The following DRC7 variants were observed in gnomAD, a reference collection of about 807,000 sequenced individuals.
The protein encoded by DRC7 is dynein regulatory complex subunit 7.
In DRC7, 80 loss-of-function variants were observed where a neutral mutation model predicts 104.4. The observed-to-expected ratio is 0.77, with a 90% CI of 0.64 to 0.92. The LOEUF (loss-of-function observed/expected upper bound fraction) is 0.92, where lower values mean the gene tolerates loss of function less well. Ranked by LOEUF, DRC7 falls within the 40% of genes least tolerant of loss-of-function variation. The probability of loss-of-function intolerance (pLI) is 0.00; values close to 1 mark genes in which losing one functional copy is unlikely to be tolerated. For synonymous variants in DRC7, 405 were observed against 447.3 expected, an observed-to-expected ratio of 0.91 and a Z score of 1.19; for missense variants, 1,034 against 1,141.1, an observed-to-expected ratio of 0.91 and a Z score of 1.35.
In DRC7 at chr16:57,727,381, A is replaced by G. The variant is rs759915957; in HGVS notation, c.2168A>G (p.Glu723Gly). 6.2e-7 allele frequency: 1 copy of G among 1,613,378 alleles called. No individual in the cohort carries two copies. The highest frequency in any genetic ancestry group is 8.5e-7 in the Non-Finnish European group (1 of 1,179,818). ...TISIYDTKRN[E>G]KSKEYREAME... is the part of the protein sequence containing the mutation. ...TCCATCTATGACACCAAGCGGAATGAGAAGAGCAAGGAATATCGGGAGGCC... is the reference window on the plus strand; with the variant it reads ...TCCATCTATGACACCAAGCGGAATGGGAAGAGCAAGGAATATCGGGAGGCC... Residue 723 changes from glutamate (E) to glycine (G), a missense_variant, in exon 16 of 19, where the codon GAG becomes GGG. Coordinates refer to ENST00000360716, the MANE Select transcript of DRC7 (RefSeq NM_001289162.2).
Position 57,731,034 on chromosome 16 carries a change from T to C in DRC7, c.2495T>C (p.Met832Thr), listed in dbSNP as rs375531577. 3.1e-6 allele frequency: 5 copies of C among 1,613,604 alleles called. No individual in the cohort carries two copies. In the African/African-American group the frequency reaches 4.0e-5, roughly 13 times the overall value. ...DLYLSYCSQAMFRIRILEQRL... is the reference protein window; with the variant it reads ...DLYLSYCSQATFRIRILEQRL... ...TACCTGAGTTACTGCTCTCAGGCCATGTTCCGCATCCGCATCCTGGAGCAG... is the reference window on the plus strand; with the variant it reads ...TACCTGAGTTACTGCTCTCAGGCCACGTTCCGCATCCGCATCCTGGAGCAG... Residue 832 changes from methionine to threonine, a missense_variant, in exon 18 of 19, where the codon ATG (methionine) becomes ACG (threonine). Transcript: ENST00000360716.
At chr16:57,711,661 C>T (rs2048792530) in intron 8 of DRC7, among the ~76,000 whole-genome samples, 2 of 152,240 alleles carry the variant, frequency 1.3e-5, no homozygotes, top group Non-Finnish European at 2.9e-5. Flanking sequence ...GTAATTCACG[C>T]AGAGCAGGCT....
chr16:57,720,191 A>G (rs911579649), intron 9 of DRC7, among the ~76,000 whole-genome samples: 1 of 152,210 alleles, frequency 6.6e-6, no homozygotes, highest in Non-Finnish European at 1.5e-5. Flanking sequence ...GAAGACTCAC[A>G]CACAGAGAGG....
At chr16:57,705,163 C>A (rs1280803721) in intron 7 of DRC7, 129 bp downstream of exon 7, 1 of 1,061,072 alleles carries the variant, frequency 9.4e-7, no homozygotes, top group East Asian at 2.6e-5. Context: ...TCACAATCAC[C>A]CCCAACCTCT....
At chr16:57,726,014 TCTC>T (rs1399235148) in intron 13 of DRC7, 51 bp from the exon 14 acceptor site, 11 of 1,497,714 alleles carry the variant, frequency 7.3e-6, no homozygotes, top group African/African-American at 1.4e-5. Flanking sequence ...TGCACAGAAA[TCTC>T]CTCTCACACG....
At chr16:57,699,637 T>A (rs1372688658) in intron 4 of DRC7, among the ~76,000 whole-genome samples, 1 of 152,160 alleles carries the variant, frequency 6.6e-6, no homozygotes, top group African/African-American at 2.4e-5. Context: ...GGCTTCAGAC[T>A]GTACTGGTCG....
Position 57,731,507 on chromosome 16 carries a change from T to TTTTA in DRC7, c.*249_*250insTTTA. 1 of 546,864 alleles carries TTTTA rather than the reference T, an allele frequency of 1.8e-6. No individual in the cohort carries two copies. The highest frequency in any genetic ancestry group is 2.1e-5 in the South Asian group (1 of 46,620). 33.9% of individuals were successfully genotyped at this position (546,864 alleles called of 1,614,324 possible). ...AGCAGCAGCCTTTCTCTTCTTCTGT[T>TTTTA]ATCTATAGCCTGGGACCACCCCCTT... is the stretch of plus-strand genomic sequence containing the variant. On this transcript the variant is annotated 3_prime_UTR_variant, in exon 19 of 19. Coordinates refer to ENST00000360716, the MANE Select transcript of DRC7 (RefSeq NM_001289162.2).
At chr16:57,695,026 G>T (rs73554984) in intron 1 of DRC7, among the ~76,000 whole-genome samples, 174 bp downstream of exon 1, 2 of 151,936 alleles carry the variant, frequency 1.3e-5, no homozygotes, top group African/African-American at 4.8e-5. Flanking sequence ...CTGGTGGAGA[G>T]GGGGTGCAGG....
chr16:57,730,602 G>A (rs1400739094), intron 17 of DRC7, among the ~76,000 whole-genome samples: 6 of 152,020 alleles, frequency 3.9e-5, no homozygotes, highest in Admixed American at 2.0e-4. Flanking sequence ...ACAAGGGGAG[G>A]GGGGAGTACA....
In DRC7 at chr16:57,718,493, G is replaced by A. The variant is rs371144900; in HGVS notation, c.1206+18G>A. The A allele has an allele frequency of 5.8e-5, 94 of 1,612,952 alleles. No homozygotes were observed. In the Middle Eastern group the frequency reaches 8.3e-4, roughly 14 times the overall value. ...AAAATCTGGTGAGTCTCAGCAGCTC[G>A]AGAGCCCAGGGAATGTGTGTGAAGG... On this transcript the variant is annotated intron_variant, in intron 9 of 18. Transcript: ENST00000360716.
chr16:57,717,082 G>A (rs934511552), intron 8 of DRC7, among the ~76,000 whole-genome samples: 22 of 151,278 alleles, frequency 1.5e-4, no homozygotes, highest in East Asian at 5.9e-4. Flanking sequence ...CACTTGAACC[G>A]GGGAGATAGA....
Position 57,718,357 on chromosome 16 carries a change from T to G in DRC7, c.1088T>G (p.Phe363Cys). 6.2e-7 allele frequency: 1 copy of G among 1,613,998 alleles called. No homozygotes were observed. The highest frequency in any genetic ancestry group is 8.5e-7 in the Non-Finnish European group (1 of 1,179,912). ...DCWNCCKDLI[F>C]DLGDPVRWEY... is the part of the protein sequence containing the mutation. ...CCTCATCCCCAACAGGACTTGATCT[T>G]TGACCTGGGTGACCCTGTGAGATGG... is the stretch of plus-strand genomic sequence containing the variant. The change falls in exon 9 of 19, where the codon TTT becomes TGT. Residue 363 changes from phenylalanine to cysteine, a missense_variant. Phe to Cys is a radical substitution (Grantham distance 205). Transcript: ENST00000360716.
intron 12 of DRC7, among the ~76,000 whole-genome samples, chr16:57,723,883 C>T (rs2048934526): frequency 6.6e-6 from 1 of 151,924 alleles, no homozygotes; most frequent in African/African-American, 2.4e-5. Flanking sequence ...CTTATAACCC[C>T]CATGTTGGCA....
intron 12 of DRC7, among the ~76,000 whole-genome samples, chr16:57,723,786 T>C (rs528659220): frequency 1.7e-5 from 2 of 120,530 alleles, no homozygotes; most frequent in African/African-American, 4.0e-5. Flanking sequence ...AGGAGTAATA[T>C]ACATTTTTTT....
chr16:57,707,213 C>T (rs1212153544), intron 7 of DRC7, among the ~76,000 whole-genome samples: 1 of 152,188 alleles, frequency 6.6e-6, no homozygotes, highest in African/African-American at 2.4e-5. Flanking sequence ...CCCCAGATGC[C>T]CAGTGCCCCA....
intron 8 of DRC7, among the ~76,000 whole-genome samples, chr16:57,715,134 G>A (rs578003052): frequency 1.3e-5 from 2 of 151,986 alleles, no homozygotes; most frequent in East Asian, 1.9e-4. Context: ...TGCAATCCCC[G>A]CCTCCCGGGT....
At chr16:57,701,901 G>T in intron 5 of DRC7, 35 bp from the exon 6 acceptor site, 1 of 1,588,874 alleles carries the variant, frequency 6.3e-7, no homozygotes. Context: ...GGGGCAGCGG[G>T]GCCCCAGCTG....
chr16:57,707,685 A>C lies in DRC7; in HGVS notation c.1077+7A>C. ...TTGCTGGAACTGCTGCAAGGTGCCT[A>C]GGGAGGGGGAGCTGGGTGGGTGTGG... On this transcript the variant is annotated splice_region_variant and intron_variant, in intron 8 of 18. Transcript: ENST00000360716. The C allele has an allele frequency of 6.2e-7, 1 of 1,612,000 alleles. No individual in the cohort carries two copies.
intron 9 of DRC7, among the ~76,000 whole-genome samples, chr16:57,721,099 C>A (rs2048897177): frequency 6.6e-6 from 1 of 152,160 alleles, no homozygotes; most frequent in African/African-American, 2.4e-5. Flanking sequence ...GCCTGTAATC[C>A]CAGCTACTCA....
Sources: allele counts gnomAD v4.1 joint callset (sites outside exome capture counted in the v4.1 genomes callset), GRCh38; gene constraint gnomAD v4.1.1; transcripts MANE v1.5; gene names NCBI Gene and HGNC (gene_info 2026-07-23, HGNC 2026-07-21).